SLC20A2: variants seen among roughly 807,000 people sequenced by gnomAD.
SLC20A2 encodes the protein solute carrier family 20 member 2.
Under a neutral mutation model 61.0 loss-of-function variants are expected in SLC20A2, and 30 were observed. That is an observed-to-expected ratio of 0.49 (90% confidence interval 0.37 to 0.67). SLC20A2 has a LOEUF of 0.67. Ranked by LOEUF, SLC20A2 falls within the 30% of genes least tolerant of loss-of-function variation. The pLI is 0.00. For missense variants in SLC20A2, 626 were observed against 866.4 expected (o/e 0.72, Z 3.48); for synonymous variants, 351 against 353.3 (o/e 0.99, Z 0.07).
intron 1 of SLC20A2, among the ~76,000 whole-genome samples, chr8:42,524,101 G>A (rs902920561): frequency 2.6e-5 from 4 of 152,182 alleles, no homozygotes; most frequent in Non-Finnish European, 5.9e-5. Flanking sequence ...CTGGTGGACA[G>A]AATCTCTCCC....
chr8:42,511,830 G>A (rs777101189), intron 1 of SLC20A2, among the ~76,000 whole-genome samples: 4 of 152,030 alleles, frequency 2.6e-5, no homozygotes, highest in Non-Finnish European at 4.4e-5. Context: ...AAAAAAATGA[G>A]TGTTCGTTTT....
chr8:42,419,514 AC>A (rs1414095124), intron 10 of SLC20A2: 2 of 159,672 alleles, frequency 1.3e-5, no homozygotes, highest in East Asian at 3.8e-4. Flanking sequence ...GCGATACTGC[AC>A]TCCAGCCTGG....
intron 3 of SLC20A2, 159 bp from the exon 4 acceptor site, chr8:42,463,249 G>C (rs950246197): frequency 7.7e-6 from 4 of 519,578 alleles, no homozygotes; most frequent in Non-Finnish European, 1.3e-5. Flanking sequence ...CCTGTGACTT[G>C]GCAGAGCTGA....
intron 2 of SLC20A2, among the ~76,000 whole-genome samples, chr8:42,468,938 C>T (rs1382916983): frequency 6.6e-6 from 1 of 152,166 alleles, no homozygotes; most frequent in Non-Finnish European, 1.5e-5. Flanking sequence ...TGCTTTAGGG[C>T]TGAGCTAGTC....
At chr8:42,529,338 A>G (rs1432964724) in intron 1 of SLC20A2, among the ~76,000 whole-genome samples, 2 of 152,192 alleles carry the variant, frequency 1.3e-5, no homozygotes, top group Non-Finnish European at 2.9e-5. Context: ...AAAAAATAAA[A>G]TGTAATACAA....
At chr8:42,448,232 T>C (rs1805381754) in intron 5 of SLC20A2, among the ~76,000 whole-genome samples, 1 of 152,250 alleles carries the variant, frequency 6.6e-6, no homozygotes, top group Non-Finnish European at 1.5e-5. Flanking sequence ...CAATTACTAA[T>C]TGTGCTACTT....
At chr8:42,481,217 T>C (rs952443060) in intron 1 of SLC20A2, among the ~76,000 whole-genome samples, 1 of 152,174 alleles carries the variant, frequency 6.6e-6, no homozygotes, top group Non-Finnish European at 1.5e-5. Flanking sequence ...CATAGAACAT[T>C]AGGGTCTGAA....
chr8:42,470,447 G>C (rs563240984), intron 2 of SLC20A2, among the ~76,000 whole-genome samples: 2 of 151,630 alleles, frequency 1.3e-5, no homozygotes, highest in South Asian at 4.2e-4. Context: ...TCAAACTCCT[G>C]GGATCAAGTG....
chr8:42,498,217 C>A (rs1810069036), intron 1 of SLC20A2, among the ~76,000 whole-genome samples: 1 of 152,130 alleles, frequency 6.6e-6, no homozygotes, highest in African/African-American at 2.4e-5. Flanking sequence ...TGAAGCTTCT[C>A]CTCTTTGTAG....
Position 42,509,169 on chromosome 8 carries a change from A to G in SLC20A2, c.-265+32652T>C, listed in dbSNP as rs985520743. 2.6e-5 allele frequency among the ~76,000 whole-genome samples: 4 copies of G among 152,380 alleles called. No homozygotes were observed. The East Asian group carries it at 7.7e-4, about 29-fold the overall frequency. On this transcript the variant is annotated intron_variant, in intron 1 of 10. Transcript: ENST00000342228. ...ACAGCAAACAGTTATATAGATATAG[A>G]TAGGCATGTATGAATGTAGATACAG...
chr8:42,475,738 G>A (rs1808033378), intron 1 of SLC20A2, among the ~76,000 whole-genome samples: 1 of 151,730 alleles, frequency 6.6e-6, no homozygotes, highest in African/African-American at 2.4e-5. Flanking sequence ...CTGCAGTGTG[G>A]CGACCACATT....
At chr8:42,484,923 A>G (rs1025253900) in intron 1 of SLC20A2, 14 of 413,532 alleles carry the variant, frequency 3.4e-5, no homozygotes, top group African/African-American at 2.7e-4. Context: ...AGCAGCACAA[A>G]AAGGCCTCCA....
At chr8:42,495,815 T>C (rs1428203477) in intron 1 of SLC20A2, among the ~76,000 whole-genome samples, 1 of 151,914 alleles carries the variant, frequency 6.6e-6, no homozygotes, top group Non-Finnish European at 1.5e-5. Context: ...AGTGGTGTGA[T>C]CTTGGCTCAC....
rs184908734 is a variant in SLC20A2 at position 42,487,239 on chromosome 8, G to A, written c.-265+13792C>T. 2.4e-4 allele frequency among the ~76,000 whole-genome samples: 34 copies of A among 144,276 alleles called. No homozygotes were observed. The East Asian group carries it at 5.0e-3, about 21-fold the overall frequency. The allele number at this position is 144,276 out of a possible 152,430, so 94.7% of individuals were successfully genotyped here. On this transcript the variant is annotated intron_variant, in intron 1 of 10. Coordinates refer to ENST00000520262, the MANE Select transcript of SLC20A2 (RefSeq NM_001257180.2). ...GTCGCCCAGGCTGGAGTGCAGTGGC[G>A]CGATCTTGGCTCACTGCAAGCTCTG...
chr8:42,507,396 G>A (rs939045154), intron 1 of SLC20A2, among the ~76,000 whole-genome samples: 3 of 150,492 alleles, frequency 2.0e-5, no homozygotes, highest in Middle Eastern at 3.4e-3. Context: ...AAAAAAAGAC[G>A]CAAACTCTTC....
At chr8:42,521,081 T>C (rs1483757971) in intron 1 of SLC20A2, among the ~76,000 whole-genome samples, 4 of 121,742 alleles carry the variant, frequency 3.3e-5, no homozygotes, top group African/African-American at 1.0e-4. Context: ...TTAAAAAAAA[T>C]TTGATCTAGC....
chr8:42,422,649 T>C (rs1803126122), intron 10 of SLC20A2, among the ~76,000 whole-genome samples: 1 of 152,194 alleles, frequency 6.6e-6, no homozygotes. Flanking sequence ...TTTTTGCTTT[T>C]TTAGGTGGGA....
chr8:42,509,444 G>C (rs954052098), intron 1 of SLC20A2, among the ~76,000 whole-genome samples: 1 of 152,002 alleles, frequency 6.6e-6, no homozygotes, highest in African/African-American at 2.4e-5. Flanking sequence ...GATACAAGAT[G>C]CTAGGCTTAG....
intron 1 of SLC20A2, among the ~76,000 whole-genome samples, chr8:42,498,104 T>TA (rs1441046470): frequency 6.6e-6 from 1 of 152,224 alleles, no homozygotes; most frequent in African/African-American, 2.4e-5. Flanking sequence ...GATTTCTATC[T>TA]AAATATCATT....
Sources: allele counts gnomAD v4.1 joint callset (sites outside exome capture counted in the v4.1 genomes callset), GRCh38; gene constraint gnomAD v4.1.1; transcripts MANE v1.5; gene names NCBI Gene and HGNC (gene_info 2026-07-23, HGNC 2026-07-21).